The following GRID2 variants were observed in gnomAD, a reference collection of about 807,000 sequenced individuals.
GRID2 encodes the protein glutamate receptor ionotropic, delta-2.
Under a neutral mutation model 114.8 loss-of-function variants are expected in GRID2, and 33 were observed. The observed-to-expected ratio is 0.29, with a 90% CI of 0.22 to 0.38. The LOEUF is 0.38. Among genes scored for constraint, GRID2 ranks in the 10% least tolerant of loss-of-function variants. The pLI, the probability that GRID2 is intolerant of heterozygous loss-of-function variation, is 1.00. For synonymous variants in GRID2, 505 were observed against 449.9 expected, an observed-to-expected ratio of 1.12 and a Z score of -1.55; for missense variants, 1,184 against 1,257.7, an observed-to-expected ratio of 0.94 and a Z score of 0.89.
At chr4:93,542,808 G>A (rs796321094) in intron 13 of GRID2, among the ~76,000 whole-genome samples, 66 of 152,144 alleles carry the variant, frequency 4.3e-4, no homozygotes, top group African/African-American at 1.3e-3. Context: ...GTCCTGTCCC[G>A]ACCATTTTCC....
intron 2 of GRID2, among the ~76,000 whole-genome samples, chr4:92,698,066 C>T (rs1198755834): frequency 6.6e-6 from 1 of 152,080 alleles, no homozygotes; most frequent in African/African-American, 2.4e-5. Context: ...TAGTAACAAA[C>T]CTCAGCTTCC....
chr4:92,608,790 A>T (rs1729581552), intron 2 of GRID2, among the ~76,000 whole-genome samples: 1 of 151,812 alleles, frequency 6.6e-6, no homozygotes. Flanking sequence ...TGGTCTGATT[A>T]TTACAAGTGG....
chr4:93,279,353 G>A (rs1752408658), intron 8 of GRID2, among the ~76,000 whole-genome samples: 4 of 151,766 alleles, frequency 2.6e-5, no homozygotes, highest in Non-Finnish European at 5.9e-5. Flanking sequence ...ACATCAATAT[G>A]TTAATGTCTT....
intron 14 of GRID2, among the ~76,000 whole-genome samples, chr4:93,752,346 T>G (rs1469687664): frequency 6.7e-6 from 1 of 149,154 alleles, no homozygotes; most frequent in Non-Finnish European, 1.5e-5. Flanking sequence ...TCCTAACTAA[T>G]ACTCATACTG....
intron 4 of GRID2, among the ~76,000 whole-genome samples, chr4:93,168,774 A>ATAAT (rs61059425): frequency 0.063 from 9,520 of 152,054 alleles, 828 homozygotes; most frequent in African/African-American, 0.2. Context: ...TATTACATAT[A>ATAAT]TAATTTCTAG....
intron 4 of GRID2, among the ~76,000 whole-genome samples, chr4:93,160,762 A>T (rs1282024232): frequency 6.6e-6 from 1 of 151,750 alleles, no homozygotes; most frequent in Non-Finnish European, 1.5e-5. Context: ...GCTCATAAGT[A>T]AATTGATATT....
rs1260102285 is a variant in GRID2 at position 92,944,568 on chromosome 4, T to G, written c.245-140427T>G. Among the ~76,000 whole-genome samples, 93 of 152,334 alleles carry G rather than the reference T, an allele frequency of 6.1e-4. 1 individual carries two copies. Among genetic ancestry groups the G allele is most frequent in the Admixed American group, 5.9e-3 (90 of 15,288 alleles). ...TTGCTTCAGCTCATGCTCAGTGCGC[T>G]GCACCCACTGTCTGACACTCCCCAG... On this transcript the variant is annotated intron_variant, in intron 2 of 15. Coordinates refer to ENST00000282020, the MANE Select transcript of GRID2 (RefSeq NM_001510.4).
chr4:93,323,578 G>C (rs2149213799), intron 8 of GRID2, among the ~76,000 whole-genome samples: 1 of 152,186 alleles, frequency 6.6e-6, no homozygotes, highest in Middle Eastern at 3.4e-3. Context: ...TTCTAATTCT[G>C]TGAAGAAAGT....
rs907381326 is a variant in GRID2 at position 92,631,479 on chromosome 4, A to G, written c.244+41193A>G. 2.0e-5 allele frequency among the ~76,000 whole-genome samples: 3 copies of G among 152,252 alleles called. No homozygotes were observed. In the East Asian group the frequency reaches 5.8e-4, roughly 29 times the overall value. On this transcript the variant is annotated intron_variant, in intron 2 of 15. Transcript: ENST00000282020. ...TTTAAAACATTTATGTACAAATGAT[A>G]CTTCTCTTACAATCACAGGATTTCT...
intron 2 of GRID2, among the ~76,000 whole-genome samples, chr4:92,939,064 T>C (rs1013427713): frequency 1.4e-5 from 2 of 146,804 alleles, no homozygotes; most frequent in African/African-American, 2.4e-5. Flanking sequence ...ATTTATAATC[T>C]TTTGGGGATA....
intron 2 of GRID2, among the ~76,000 whole-genome samples, chr4:92,732,115 A>G (rs1560559914): frequency 6.6e-6 from 1 of 151,980 alleles, no homozygotes; most frequent in African/African-American, 2.4e-5. Context: ...GAAATGAGCA[A>G]TGTTTAGTAT....
At chr4:92,375,051 A>C (rs1168833290) in intron 1 of GRID2, among the ~76,000 whole-genome samples, 1 of 152,146 alleles carries the variant, frequency 6.6e-6, no homozygotes, top group African/African-American at 2.4e-5. Flanking sequence ...GGCAGCCATG[A>C]CAGTGTAGAG....
At chr4:92,828,399 T>C (rs1438018685) in intron 2 of GRID2, among the ~76,000 whole-genome samples, 1 of 152,102 alleles carries the variant, frequency 6.6e-6, no homozygotes, top group Non-Finnish European at 1.5e-5. Flanking sequence ...GGACTTAAGA[T>C]GAAACTGCTT....
chr4:93,729,547 A>C (rs184786127), intron 14 of GRID2, among the ~76,000 whole-genome samples: 62 of 148,658 alleles, frequency 4.2e-4, no homozygotes, highest in African/African-American at 1.5e-3. Flanking sequence ...ACAGATAATC[A>C]TTTTCTTTTT....
chr4:93,411,937 C>G (rs1320904712), intron 9 of GRID2, among the ~76,000 whole-genome samples: 4 of 147,684 alleles, frequency 2.7e-5, no homozygotes, highest in Non-Finnish European at 6.0e-5. Flanking sequence ...TTGAATCTCT[C>G]TATTAAAAAA....
chr4:92,653,016 A>C (rs527358989), intron 2 of GRID2, among the ~76,000 whole-genome samples: 13 of 144,114 alleles, frequency 9.0e-5, no homozygotes, highest in African/African-American at 3.3e-4. Context: ...ACATATATAT[A>C]CTTTTTTTTT....
intron 2 of GRID2, among the ~76,000 whole-genome samples, chr4:92,713,873 A>G (rs912491484): frequency 6.6e-6 from 1 of 151,990 alleles, no homozygotes; most frequent in Non-Finnish European, 1.5e-5. Context: ...GTTACAATTC[A>G]AGATGAGATT....
chr4:92,606,464 G>C (rs1560485532), intron 2 of GRID2, among the ~76,000 whole-genome samples: 5 of 151,970 alleles, frequency 3.3e-5, no homozygotes, highest in Admixed American at 1.3e-4. Flanking sequence ...GTTTCAGTGA[G>C]AGGAAGAAGA....
intron 2 of GRID2, among the ~76,000 whole-genome samples, chr4:93,060,624 G>A (rs1230680675): frequency 6.6e-6 from 1 of 152,092 alleles, no homozygotes; most frequent in Non-Finnish European, 1.5e-5. Flanking sequence ...GGAAGGATTA[G>A]ATCATTCTTA....
Sources: gnomAD v4.1 joint callset for allele counts (sites outside exome capture counted in the v4.1 genomes callset) on GRCh38, gnomAD v4.1.1 for gene constraint, MANE v1.5 for transcripts, NCBI Gene and HGNC (gene_info 2026-07-23, HGNC 2026-07-21) for gene names.